Variants in HMCN2 observed in about 807,000 individuals in gnomAD.
The protein encoded by HMCN2 is hemicentin 2, also known as hemicentin-2.
In HMCN2, 325 loss-of-function variants were observed where a neutral mutation model predicts 377.5. The observed-to-expected ratio is 0.86, with a 90% confidence interval of 0.79 to 0.94. HMCN2 has a LOEUF of 0.94. Among genes scored for constraint, HMCN2 ranks in the 40% least tolerant of loss-of-function variants. The pLI, the probability that HMCN2 is intolerant of heterozygous loss-of-function variation, is 0.00. For synonymous variants in HMCN2, 2,007 were observed against 2,046.8 expected (o/e 0.98, Z 0.53); for missense variants, 4,543 against 4,725.3 (o/e 0.96, Z 1.13).
At chr9:130,288,037 C>T (rs548141555) in intron 4 of HMCN2, among the ~76,000 whole-genome samples, 4 of 152,316 alleles carry the variant, frequency 2.6e-5, no homozygotes, top group East Asian at 1.9e-4. Flanking sequence ...ACCCTCGCAC[C>T]GAGTCACCCA....
At chr9:130,413,742 C>A (rs185408900) in intron 85 of HMCN2, among the ~76,000 whole-genome samples, 20 of 152,030 alleles carry the variant, frequency 1.3e-4, no homozygotes, top group Non-Finnish European at 2.5e-4. Flanking sequence ...TGTGCACGTG[C>A]GCACACACAC....
chr9:130,410,913 G>A (rs1464918944), intron 85 of HMCN2, among the ~76,000 whole-genome samples: 2 of 152,178 alleles, frequency 1.3e-5, no homozygotes, highest in African/African-American at 2.4e-5. Context: ...AGATCACCGC[G>A]ACAGCTCTCG....
At position 130,400,577 on chromosome 9, in the gene HMCN2, CTT is replaced by C. The variant is rs5900896; in HGVS notation, c.11606-197_11606-196del. On this transcript the variant is annotated intron_variant, in intron 76 of 97. Coordinates refer to ENST00000683500, the MANE Select transcript of HMCN2 (RefSeq NM_001291815.2). Reference sequence around the variant, plus strand: ...GAGACCCCATCTCTGAAAAAATACACTTTTTTTTTTAAAGAAAAAAAACTATA... The same window carrying C: ...GAGACCCCATCTCTGAAAAAATACACTTTTTTTTAAAGAAAAAAAACTATA... 1.0e-4 allele frequency: 23 copies of C among 228,564 alleles called. No individual in the cohort carries two copies. In the Middle Eastern group the frequency reaches 4.6e-3, roughly 46 times the overall value. 14.2% of individuals were successfully genotyped at this position (228,564 alleles called of 1,614,324 possible).
intron 15 of HMCN2, among the ~76,000 whole-genome samples, chr9:130,314,875 G>C (rs1220563188): frequency 1.3e-5 from 2 of 152,128 alleles, no homozygotes; most frequent in African/African-American, 4.8e-5. Context: ...CTGAGGCCCA[G>C]AGTGAGGATG....
chr9:130,402,211 C>T (rs1034106492), intron 77 of HMCN2, among the ~76,000 whole-genome samples: 3 of 152,242 alleles, frequency 2.0e-5, no homozygotes, highest in African/African-American at 2.4e-5. Context: ...GCCAGAGTGC[C>T]GTGGGCCTTG....
intron 22 of HMCN2, among the ~76,000 whole-genome samples, chr9:130,333,259 G>A (rs1838522970): frequency 6.6e-6 from 1 of 152,182 alleles, no homozygotes. Context: ...AGAGTGGCAT[G>A]GGAAGCATGT....
chr9:130,353,564 C>A (rs1298369124), intron 31 of HMCN2, among the ~76,000 whole-genome samples: 1 of 152,216 alleles, frequency 6.6e-6, no homozygotes, highest in Non-Finnish European at 1.5e-5. Context: ...TAAGCTAGAC[C>A]AGAGGGGCAC....
At chr9:130,277,161 C>G (rs1044391502) in intron 1 of HMCN2, among the ~76,000 whole-genome samples, 3 of 152,266 alleles carry the variant, frequency 2.0e-5, no homozygotes, top group African/African-American at 7.2e-5. Flanking sequence ...GCTGGCCCCA[C>G]ACCCTCCTCT....
chr9:130,346,013 C>G (rs1839371958), intron 25 of HMCN2, among the ~76,000 whole-genome samples: 1 of 152,034 alleles, frequency 6.6e-6, no homozygotes, highest in Admixed American at 6.5e-5. Flanking sequence ...ACCCCTGGGC[C>G]CCCGCTGCCA....
chr9:130,337,357 A>T (rs1838808424), intron 22 of HMCN2, among the ~76,000 whole-genome samples: 1 of 152,138 alleles, frequency 6.6e-6, no homozygotes. Context: ...CTGCAGTCAG[A>T]GTCAGGCCGG....
chr9:130,323,634 C>T (rs977633396), intron 19 of HMCN2, among the ~76,000 whole-genome samples: 13 of 152,058 alleles, frequency 8.5e-5, no homozygotes, highest in Admixed American at 4.6e-4. Flanking sequence ...AAAAAACTGA[C>T]GATGGCAGGC....
At position 130,351,344 on chromosome 9, in the gene HMCN2, G is replaced by A. The variant is rs887778049; in HGVS notation, c.4431-79G>A. ...AATGGCCCAGCCTCGCTTTTTACAA[G>A]CCACACACTCCCTGTGTGCAGCGTG... On this transcript the variant is annotated intron_variant, in intron 29 of 97. Transcript: ENST00000683500. This position sits in a 1 kb window ranked among gnomAD's most constrained non-coding sequence, Gnocchi z 5.4. 3.6e-6 allele frequency: 4 copies of A among 1,124,888 alleles called. No homozygotes were observed. The African/African-American group carries it at 4.9e-5, about 14-fold the overall frequency. 69.7% of individuals were successfully genotyped at this position (1,124,888 alleles called of 1,614,324 possible). A position where few individuals can be genotyped will look rare whatever the true frequency, so the allele number is the denominator to read the frequency against.
intron 1 of HMCN2, among the ~76,000 whole-genome samples, chr9:130,275,730 G>A (rs561707373): frequency 1.1e-4 from 17 of 152,110 alleles, no homozygotes; most frequent in South Asian, 2.1e-4. Flanking sequence ...GATTACAGGC[G>A]TGAGCCACCA....
chr9:130,299,338 C>A (rs1015593802), intron 8 of HMCN2, 50 bp downstream of exon 8: 2 of 392,860 alleles, frequency 5.1e-6, no homozygotes, highest in Admixed American at 3.3e-5. Context: ...ATTCAGAGTC[C>A]CATTTCATCC....
At chr9:130,411,483 C>G (rs985329151) in intron 85 of HMCN2, among the ~76,000 whole-genome samples, 3 of 151,458 alleles carry the variant, frequency 2.0e-5, no homozygotes, top group Non-Finnish European at 4.4e-5. Flanking sequence ...GCCTGTAATC[C>G]CAGTCATTCA....
At chr9:130,408,437 G>C (rs763822912) in intron 83 of HMCN2, among the ~76,000 whole-genome samples, 2 of 152,180 alleles carry the variant, frequency 1.3e-5, no homozygotes, top group Non-Finnish European at 1.5e-5. Flanking sequence ...TATGACACGC[G>C]TAACACTGCC....
chr9:130,403,132 G>T, intron 78 of HMCN2, 62 bp from the exon 79 acceptor site: 1 of 1,245,808 alleles, frequency 8.0e-7, no homozygotes, highest in South Asian at 1.3e-5. Flanking sequence ...TCCGAGGCCC[G>T]CTGGTTGGAG....
chr9:130,372,596 G>A (rs145231245), intron 47 of HMCN2, among the ~76,000 whole-genome samples, 189 bp downstream of exon 47: 1,824 of 152,268 alleles, frequency 0.012, 37 homozygotes, highest in African/African-American at 0.041. Flanking sequence ...GCAGTGTGGT[G>A]AAACCCTGTC....
chr9:130,385,506 G>C, intron 59 of HMCN2, 54 bp from the exon 60 acceptor site: 2 of 1,220,294 alleles, frequency 1.6e-6, no homozygotes, highest in Non-Finnish European at 2.2e-6. Flanking sequence ...GTGGCTGAGT[G>C]GGGAGGGCGC....
Sources: gnomAD v4.1 joint callset for allele counts (sites outside exome capture counted in the v4.1 genomes callset) on GRCh38, gnomAD v4.1.1 for gene constraint, Gnocchi (gnomAD v3.1) non-coding constraint, MANE v1.5 for transcripts, NCBI Gene and HGNC (gene_info 2026-07-23, HGNC 2026-07-21) for gene names.